The following MKLN1 variants were observed in gnomAD, a reference collection of about 807,000 sequenced individuals.
MKLN1 encodes muskelin 1, also known as muskelin.
A neutral mutation model predicts 99.0 loss-of-function variants in MKLN1; 18 were observed. The ratio of observed to expected loss-of-function variants is 0.18; its 90% CI spans 0.13 to 0.27. The LOEUF (loss-of-function observed/expected upper bound fraction) is 0.27, where lower values mean the gene tolerates loss of function less well. Among genes scored for constraint, MKLN1 ranks in the 10% least tolerant of loss-of-function variants. The pLI, the probability that MKLN1 is intolerant of heterozygous loss-of-function variation, is 1.00. For synonymous variants in MKLN1, 288 were observed against 293.2 expected (o/e 0.98, Z 0.18); for missense variants, 621 against 875.9 (o/e 0.71, Z 3.67).
intron 3 of MKLN1, among the ~76,000 whole-genome samples, chr7:131,251,627 T>A (rs943593418): frequency 3.9e-5 from 6 of 152,120 alleles, no homozygotes; most frequent in African/African-American, 1.4e-4. Context: ...CCAAAGTTAG[T>A]TGGGCATAAT....
chr7:131,166,219 G>A (rs1040710078), intron 2 of MKLN1, among the ~76,000 whole-genome samples: 5 of 152,152 alleles, frequency 3.3e-5, no homozygotes, highest in Admixed American at 6.5e-5. Context: ...AATTGGTTTT[G>A]GGATGTAAAA....
chr7:131,411,236 T>G (rs563915297), intron 6 of MKLN1, 70 bp from the exon 7 acceptor site: 38 of 927,420 alleles, frequency 4.1e-5, no homozygotes, highest in Non-Finnish European at 5.8e-5. Context: ...TTTTAAATTT[T>G]AATTTTTTTC....
chr7:131,336,684 A>G (rs1345733284), intron 1 of MKLN1, among the ~76,000 whole-genome samples: 3 of 152,146 alleles, frequency 2.0e-5, no homozygotes, highest in East Asian at 3.8e-4. Flanking sequence ...TTGAAAAACA[A>G]CATCTCAGAC....
At chr7:131,279,492 TA>T (rs916079258) in intron 3 of MKLN1, among the ~76,000 whole-genome samples, 37 of 152,214 alleles carry the variant, frequency 2.4e-4, no homozygotes, top group African/African-American at 8.9e-4. Flanking sequence ...TCACATACCA[TA>T]AAAAAAGTTG....
Position 131,399,339 on chromosome 7 carries a change from A to C in MKLN1, c.609A>C (p.Ala203=). ...CACTGCAAAAGAAAACCAAGATTGCACTGGAACATCCCATGTTAACAGATA... is the reference window on the plus strand; with the variant it reads ...CACTGCAAAAGAAAACCAAGATTGCCCTGGAACATCCCATGTTAACAGATA... The part of the protein sequence containing the change: ...FESLQKKTKI[A]LEHPMLTDIH... Residue 203 remains alanine, a synonymous_variant, in exon 6 of 18, where the codon GCA becomes GCC. Coordinates refer to ENST00000352689, the MANE Select transcript of MKLN1 (RefSeq NM_013255.5). The C allele has an allele frequency of 6.2e-7, 1 of 1,614,040 alleles. No individual in the cohort carries two copies. Among genetic ancestry groups the C allele is most frequent in the Non-Finnish European group, 8.5e-7 (1 of 1,179,940 alleles).
intron 10 of MKLN1, among the ~76,000 whole-genome samples, chr7:131,439,028 A>G (rs1203346613): frequency 6.6e-6 from 1 of 152,202 alleles, no homozygotes; most frequent in African/African-American, 2.4e-5. Flanking sequence ...AGTGGTAGGT[A>G]GAAAATCAAA....
At chr7:131,382,225 C>T (rs558259429) in intron 2 of MKLN1, among the ~76,000 whole-genome samples, 5 of 151,992 alleles carry the variant, frequency 3.3e-5, no homozygotes, top group Admixed American at 6.5e-5. Flanking sequence ...ATTAGCCAGG[C>T]GTGGTGGCTC....
chr7:131,463,123 T>G (rs1796564140), intron 12 of MKLN1, 94 bp from the exon 13 acceptor site: 6 of 1,148,438 alleles, frequency 5.2e-6, no homozygotes, highest in Non-Finnish European at 7.5e-6. Context: ...AATGCTGTTC[T>G]TTAAAAAAAG....
intron 2 of MKLN1, among the ~76,000 whole-genome samples, chr7:131,194,611 C>T (rs1009930375): frequency 2.0e-5 from 3 of 152,222 alleles, no homozygotes; most frequent in Admixed American, 6.5e-5. Flanking sequence ...TACTCTAGTG[C>T]TCTTTCCAAA....
chr7:131,461,226 A>G (rs768614120), intron 12 of MKLN1, among the ~76,000 whole-genome samples: 1 of 150,720 alleles, frequency 6.6e-6, no homozygotes, highest in East Asian at 1.9e-4. Context: ...TACAGATGCA[A>G]CCATTTATGG....
chr7:131,254,978 A>G (rs2116523513), intron 3 of MKLN1, among the ~76,000 whole-genome samples: 1 of 152,050 alleles, frequency 6.6e-6, no homozygotes, highest in Non-Finnish European at 1.5e-5. Context: ...TGCAGCCATA[A>G]CCTCCTGGGC....
intron 2 of MKLN1, among the ~76,000 whole-genome samples, chr7:131,382,369 C>T (rs967540609): frequency 6.3e-5 from 9 of 142,794 alleles, no homozygotes; most frequent in Non-Finnish European, 1.2e-4. Flanking sequence ...AATCTTTCTC[C>T]CAAAAAAAAA....
At chr7:131,260,138 C>T (rs553839413) in intron 3 of MKLN1, among the ~76,000 whole-genome samples, 4 of 151,968 alleles carry the variant, frequency 2.6e-5, no homozygotes, top group Non-Finnish European at 2.9e-5. Context: ...CTCTGCCTCC[C>T]GAGCTCAAGC....
chr7:131,348,743 C>T (rs1799632246), intron 1 of MKLN1, among the ~76,000 whole-genome samples: 1 of 151,986 alleles, frequency 6.6e-6, no homozygotes, highest in African/African-American at 2.4e-5. Flanking sequence ...ATCCTTAGTA[C>T]AGTTTAAATT....
intron 2 of MKLN1, among the ~76,000 whole-genome samples, chr7:131,169,533 T>C (rs896718247): frequency 2.0e-5 from 3 of 152,232 alleles, no homozygotes; most frequent in Non-Finnish European, 2.9e-5. Flanking sequence ...CTGCTTTGAT[T>C]AATGGCCTCT....
At chr7:131,237,161 A>G (rs772441997) in intron 3 of MKLN1, among the ~76,000 whole-genome samples, 1 of 152,180 alleles carries the variant, frequency 6.6e-6, no homozygotes, top group Non-Finnish European at 1.5e-5. Flanking sequence ...TATGCAATTT[A>G]TCACACAATG....
At chr7:131,357,494 T>C (rs1799916693) in intron 1 of MKLN1, among the ~76,000 whole-genome samples, 1 of 152,192 alleles carries the variant, frequency 6.6e-6, no homozygotes, top group African/African-American at 2.4e-5. Context: ...GAGTGGAGTA[T>C]TACATAATTT....
chr7:131,291,216 C>T (rs1320103912), intron 3 of MKLN1, among the ~76,000 whole-genome samples: 4 of 151,280 alleles, frequency 2.6e-5, no homozygotes, highest in South Asian at 2.1e-4. Context: ...CTGCAACCTC[C>T]GCCTCCCAGG....
chr7:131,135,873 C>T (rs1795642127), intron 1 of MKLN1, among the ~76,000 whole-genome samples: 1 of 152,068 alleles, frequency 6.6e-6, no homozygotes, highest in African/African-American at 2.4e-5. Context: ...TCGAGAGGAT[C>T]CCATGATAGA....
Sources: gnomAD v4.1 joint callset for allele counts (sites outside exome capture counted in the v4.1 genomes callset) on GRCh38, gnomAD v4.1.1 for gene constraint, MANE v1.5 for transcripts, NCBI Gene and HGNC (gene_info 2026-07-23, HGNC 2026-07-21) for gene names.